CALN1: variants seen among roughly 807,000 people sequenced by gnomAD.
CALN1 encodes calcium-binding protein 8.
A neutral mutation model predicts 30.6 loss-of-function variants in CALN1; 17 were observed. That is an observed-to-expected ratio of 0.56 (90% CI 0.38 to 0.83). The LOEUF (loss-of-function observed/expected upper bound fraction) is 0.83. CALN1 is among the 40% of genes least tolerant of loss of function. The pLI is 0.00. For synonymous variants in CALN1, 156 were observed against 131.4 expected, an observed-to-expected ratio of 1.19 and a Z score of -1.28; for missense variants, 291 against 354.9, an observed-to-expected ratio of 0.82 and a Z score of 1.45.
intron 3 of CALN1, among the ~76,000 whole-genome samples, chr7:72,234,455 T>C (rs2129550844): frequency 6.6e-6 from 1 of 152,246 alleles, no homozygotes; most frequent in South Asian, 2.1e-4. Flanking sequence ...TTTTGTTTTT[T>C]TGTTTTTTTG....
At chr7:72,083,932 G>C (rs1376373957) in intron 4 of CALN1, among the ~76,000 whole-genome samples, 1 of 152,044 alleles carries the variant, frequency 6.6e-6, no homozygotes, top group Non-Finnish European at 1.5e-5. Context: ...ACAATCGCTG[G>C]GTGTGGTGGC....
At chr7:72,450,593 G>T (rs1300198162), upstream of CALN1, among the ~76,000 whole-genome samples, 3 of 152,078 alleles carry the variant, frequency 2.0e-5, no homozygotes, top group African/African-American at 7.2e-5. Context: ...ACAAAATCAA[G>T]CCCCAGCCAG....
intron 1 of CALN1, among the ~76,000 whole-genome samples, chr7:72,406,385 G>A (rs1806694120): frequency 6.6e-6 from 1 of 152,116 alleles, no homozygotes; most frequent in Admixed American, 6.5e-5. Context: ...TGGGACCCAA[G>A]GTGCATTTCC....
chr7:71,963,188 A>G (rs1797337032), intron 5 of CALN1, among the ~76,000 whole-genome samples: 1 of 152,074 alleles, frequency 6.6e-6, no homozygotes, highest in South Asian at 2.1e-4. Context: ...TTTGAGACAG[A>G]GTCTTGCTCT....
rs557838803 is a variant in CALN1 at position 72,226,269 on chromosome 7, G to C, written c.244+52417C>G. On this transcript the variant is annotated intron_variant, in intron 3 of 6. Transcript: ENST00000395275. ...TCAAAATAATAATTAAAAAAAGAAA[G>C]AAAGAATTAGCAATGGAAAACTGTT... Among the ~76,000 whole-genome samples the C allele has an allele frequency of 3.3e-5, 5 of 151,798 alleles. No individual in the cohort carries two copies. In the South Asian group the frequency reaches 1.0e-3, roughly 32 times the overall value.
chr7:71,836,894 A>G (rs1322026531), intron 5 of CALN1, among the ~76,000 whole-genome samples: 1 of 149,716 alleles, frequency 6.7e-6, no homozygotes, highest in East Asian at 2.1e-4. Flanking sequence ...CTGGGATTAC[A>G]GGCGTGAGCC....
chr7:71,980,187 C>CT (rs60273576), intron 5 of CALN1, among the ~76,000 whole-genome samples: 4,454 of 107,220 alleles, frequency 0.042, 169 homozygotes, highest in African/African-American at 0.12. Flanking sequence ...TCTTCTTTTT[C>CT]TTTTTTTTTT....
intron 2 of CALN1, among the ~76,000 whole-genome samples, chr7:72,389,018 C>G (rs1215622909): frequency 3.9e-5 from 6 of 152,208 alleles, no homozygotes; most frequent in African/African-American, 1.4e-4. Flanking sequence ...GTTCTGGAAA[C>G]ACCCTGGCAT....
chr7:72,288,214 C>T (rs1277071220), intron 2 of CALN1, among the ~76,000 whole-genome samples: 14 of 151,998 alleles, frequency 9.2e-5, no homozygotes, highest in Non-Finnish European at 1.6e-4. Flanking sequence ...GCTTTGTTCA[C>T]GTGAGTTGGG....
At chr7:71,944,584 A>G (rs1356922038) in intron 5 of CALN1, among the ~76,000 whole-genome samples, 2 of 124,920 alleles carry the variant, frequency 1.6e-5, no homozygotes, top group African/African-American at 5.8e-5. Context: ...ATAAGAGTAA[A>G]ACTCCATCCC....
At chr7:72,114,815 G>A (rs1346047451) in intron 3 of CALN1, among the ~76,000 whole-genome samples, 5 of 152,074 alleles carry the variant, frequency 3.3e-5, no homozygotes, top group African/African-American at 7.2e-5. Context: ...CCAACATGGC[G>A]AAACCCCGTC....
At chr7:72,484,869 G>A in the CALN1 span, among the ~76,000 whole-genome samples, 5 of 152,126 alleles carry the variant, frequency 3.3e-5, no homozygotes, top group South Asian at 2.1e-4. Context: ...GATATCCAGC[G>A]TTTTGCAACT....
At chr7:72,334,369 T>C (rs1298067787) in intron 2 of CALN1, among the ~76,000 whole-genome samples, 26 of 152,224 alleles carry the variant, frequency 1.7e-4, no homozygotes, top group Admixed American at 1.7e-3. Flanking sequence ...CCACCCTGGC[T>C]GGTGACCCTC....
intron 6 of CALN1, among the ~76,000 whole-genome samples, chr7:71,806,727 C>CA (rs149333610): frequency 3.3e-5 from 5 of 152,124 alleles, no homozygotes; most frequent in Non-Finnish European, 7.4e-5. Context: ...AGGACCCCCC[C>CA]CCAGGGAGCT....
chr7:72,333,337 A>G (rs1028816424), intron 2 of CALN1, among the ~76,000 whole-genome samples: 2 of 152,234 alleles, frequency 1.3e-5, no homozygotes, highest in Non-Finnish European at 2.9e-5. Context: ...ATACCACATA[A>G]TAGGCACTGA....
At chr7:72,371,809 G>C (rs1277198242) in intron 2 of CALN1, among the ~76,000 whole-genome samples, 1 of 152,200 alleles carries the variant, frequency 6.6e-6, no homozygotes, top group Non-Finnish European at 1.5e-5. Context: ...AATCAATTCA[G>C]TAGTCTTCCA....
At chr7:72,281,909 C>T (rs936185181) in intron 2 of CALN1, among the ~76,000 whole-genome samples, 7 of 151,946 alleles carry the variant, frequency 4.6e-5, no homozygotes, top group African/African-American at 1.7e-4. Flanking sequence ...CAACTGAATC[C>T]CACTTGATAT....
intron 3 of CALN1, among the ~76,000 whole-genome samples, chr7:72,128,407 T>A (rs1808916224): frequency 1.3e-5 from 2 of 152,104 alleles, no homozygotes; most frequent in Non-Finnish European, 2.9e-5. Context: ...GAAACTGCAC[T>A]CCACAATTTA....
At chr7:71,991,497 T>C (rs1038972117) in intron 5 of CALN1, among the ~76,000 whole-genome samples, 1 of 149,694 alleles carries the variant, frequency 6.7e-6, no homozygotes, top group Non-Finnish European at 1.5e-5. Context: ...CTGCACTGGA[T>C]GGAAGGCCTG....
Sources: gnomAD v4.1 joint callset for allele counts (sites outside exome capture counted in the v4.1 genomes callset) on GRCh38, gnomAD v4.1.1 for gene constraint, MANE v1.5 for transcripts, NCBI Gene and HGNC (gene_info 2026-07-23, HGNC 2026-07-21) for gene names.